IQANK1: variants seen among roughly 807,000 people sequenced by gnomAD.
IQANK1 encodes IQ motif and ankyrin repeat containing 1, also known as IQ motif and ankyrin repeat domain-containing protein 1.
A neutral mutation model predicts 22.6 loss-of-function variants in IQANK1; 30 were observed. The ratio of observed to expected loss-of-function variants is 1.33; its 90% CI spans 0.99 to 1.80. The LOEUF is 1.80. Among genes scored for constraint, IQANK1 ranks in the 40% most tolerant of loss-of-function variants. The pLI, the probability that IQANK1 is intolerant of heterozygous loss-of-function variation, is 0.00. For synonymous variants in IQANK1, 122 were observed against 99.6 expected (o/e 1.23, Z -1.34); for missense variants, 275 against 235.2 (o/e 1.17, Z -1.11).
At position 143,735,939 on chromosome 8, in the gene IQANK1, G is replaced by A. The variant is rs537404053; in HGVS notation, c.85+1G>A. 2 of 702,564 alleles carry A rather than the reference G, an allele frequency of 2.8e-6. No homozygotes were observed. The highest frequency in any genetic ancestry group is 3.5e-5 in the African/African-American group (2 of 57,314). The allele number at this position is 702,564 out of a possible 1,614,324, so 43.5% of individuals were successfully genotyped here. Reference sequence around the variant, plus strand: ...GGGCCCAAGACAAGAGCTGCTGCTGGTAAGTGCACCCTCTGACCTCCAGAG... The same window carrying A: ...GGGCCCAAGACAAGAGCTGCTGCTGATAAGTGCACCCTCTGACCTCCAGAG... On this transcript the variant is annotated splice_donor_variant, in intron 2 of 13. Coordinates refer to ENST00000527139, the MANE Select transcript of IQANK1 (RefSeq NM_001381874.1). LOFTEE classifies it high-confidence loss of function. This position sits in a 1 kb window ranked among gnomAD's most constrained non-coding sequence, Gnocchi z 5.2.
chr8:143,783,295 C>T (rs528899241), intron 7 of IQANK1, among the ~76,000 whole-genome samples: 5 of 152,148 alleles, frequency 3.3e-5, no homozygotes, highest in South Asian at 2.1e-4. Flanking sequence ...GTGGATGTGC[C>T]GTGGTGCCTC....
intron 7 of IQANK1, among the ~76,000 whole-genome samples, chr8:143,779,413 TCATC>T (rs1819754174): frequency 6.6e-6 from 1 of 152,236 alleles, no homozygotes. Flanking sequence ...ATCCATCAAT[TCATC>T]CATCCAGTTG....
intron 3 of IQANK1, among the ~76,000 whole-genome samples, chr8:143,750,155 C>T (rs144569350): frequency 0.02 from 3,056 of 151,934 alleles, 95 homozygotes; most frequent in African/African-American, 0.061. Context: ...TGCGCCACCA[C>T]GCCCAGCTAA....
intron 7 of IQANK1, among the ~76,000 whole-genome samples, chr8:143,779,266 C>T (rs891155344): frequency 6.6e-6 from 1 of 152,204 alleles, no homozygotes; most frequent in Non-Finnish European, 1.5e-5. Flanking sequence ...TCCATTCATA[C>T]ACGCATTCAT....
At chr8:143,769,829 C>T (rs1554629553) in intron 3 of IQANK1, among the ~76,000 whole-genome samples, 1 of 152,256 alleles carries the variant, frequency 6.6e-6, no homozygotes, top group Admixed American at 6.5e-5. Context: ...GCTGCACCTC[C>T]TGCCCTGCCA....
chr8:143,750,906 CT>C (rs1388883745), intron 3 of IQANK1, among the ~76,000 whole-genome samples: 1 of 151,666 alleles, frequency 6.6e-6, no homozygotes, highest in African/African-American at 2.4e-5. Context: ...TGCCATATAA[CT>C]TTTTTTGTCC....
chr8:143,789,946 C>G lies in IQANK1; in HGVS notation c.1196-25C>G, dbSNP rs1353128703. ...GGGGTCCGGCGTCGGGCTTGCCTGT[C>G]AGCTGCACTCTGCTACCCCGACAGG... is the stretch of plus-strand genomic sequence containing the variant. On this transcript the variant is annotated intron_variant, in intron 11 of 13. Coordinates refer to ENST00000527139, the MANE Select transcript of IQANK1 (RefSeq NM_001381874.1). 6.5e-6 allele frequency: 8 copies of G among 1,231,902 alleles called. No homozygotes were observed. In the African/African-American group the frequency reaches 1.1e-4, roughly 17 times the overall value. The allele number at this position is 1,231,902 out of a possible 1,614,324, so 76.3% of individuals were successfully genotyped here. A position where few individuals can be genotyped will look rare whatever the true frequency, so the allele number is the denominator to read the frequency against.
chr8:143,773,947 T>C (rs1331563307), intron 7 of IQANK1, among the ~76,000 whole-genome samples: 2 of 152,040 alleles, frequency 1.3e-5, no homozygotes, highest in African/African-American at 4.8e-5. Flanking sequence ...GGGGGAGCCC[T>C]TGGGTGCCAG....
At position 143,790,363 on chromosome 8, in the gene IQANK1, C is replaced by CT. The variant is rs1371929075; in HGVS notation, c.1439dup (p.Val481GlyfsTer35). 4.4e-6 allele frequency: 5 copies of CT among 1,125,716 alleles called. No homozygotes were observed. Among genetic ancestry groups the CT allele is most frequent in the Non-Finnish European group, 5.6e-6 (5 of 891,370 alleles). The allele number at this position is 1,125,716 out of a possible 1,614,324, so 69.7% of individuals were successfully genotyped here. ...CTCATGGGGCAGGTATGGGAAGCCGCTGGTGTTCGACCTGCGAGAGGAAGA... is the reference window on the plus strand; with the variant it reads ...CTCATGGGGCAGGTATGGGAAGCCGCTTGGTGTTCGACCTGCGAGAGGAAGA... On this transcript the variant is annotated frameshift_variant, in exon 14 of 14. Coordinates refer to ENST00000527139, the MANE Select transcript of IQANK1 (RefSeq NM_001381874.1). LOFTEE classifies it low-confidence loss of function (END_TRUNC).
intron 7 of IQANK1, among the ~76,000 whole-genome samples, chr8:143,788,196 C>A (rs1032271585): frequency 1.3e-5 from 2 of 152,234 alleles, no homozygotes; most frequent in Non-Finnish European, 2.9e-5. Context: ...ACGGAGCCAC[C>A]CACGAACAGC....
intron 3 of IQANK1, chr8:143,743,837 AT>A (rs1486846805): frequency 2.3e-6 from 1 of 430,878 alleles, no homozygotes; most frequent in Non-Finnish European, 4.6e-6. Flanking sequence ...TACTTATTGG[AT>A]TCTTTTTCTT....
At chr8:143,766,497 C>A (rs1819483169) in intron 3 of IQANK1, among the ~76,000 whole-genome samples, 1 of 151,768 alleles carries the variant, frequency 6.6e-6, no homozygotes, top group Admixed American at 6.6e-5. Context: ...ATGGTGAAAC[C>A]CCATCTCTAC....
intron 3 of IQANK1, among the ~76,000 whole-genome samples, chr8:143,764,443 C>T (rs2129885242): frequency 8.3e-6 from 1 of 120,030 alleles, no homozygotes. Context: ...GGTGAGACTC[C>T]GTCGCTACAA....
At chr8:143,780,432 C>A (rs566375603) in intron 7 of IQANK1, among the ~76,000 whole-genome samples, 1 of 152,224 alleles carries the variant, frequency 6.6e-6, no homozygotes, top group East Asian at 1.9e-4. Flanking sequence ...TCACCAGGAA[C>A]TAAGCCCAGT....
chr8:143,734,241 CGAGCCCCGGGCGGGGCCGGGTCTGG>C (rs1195941299), intron 1 of IQANK1, 22 bp downstream of exon 1: 2 of 152,212 alleles, frequency 1.3e-5, no homozygotes, highest in Non-Finnish European at 2.9e-5. Context: ...GGGGCGGCGT[CGAGCCCCGGGCGGGGCCGGGTCTGG>C]GAGCCCCGAG....
Position 143,735,323 on chromosome 8 carries a change from C to A in IQANK1, c.-4-527C>A, listed in dbSNP as rs1222130456. 1.3e-5 allele frequency among the ~76,000 whole-genome samples: 2 copies of A among 152,114 alleles called. No individual in the cohort carries two copies. The highest frequency in any genetic ancestry group is 4.8e-5 in the African/African-American group (2 of 41,420). On this transcript the variant is annotated intron_variant, in intron 1 of 13. Transcript: ENST00000527139. The surrounding 1 kb of genome is among the most constrained non-coding windows in gnomAD (Gnocchi z 5.2). The stretch of plus-strand genomic sequence containing the variant: ...TGGACTAGGGAGAGGGGTGTTGCTC[C>A]AGGGCCTGACACCACCATCTGCCAG...
At chr8:143,748,644 TAAATATATATCA>T (rs1190246748) in intron 3 of IQANK1, among the ~76,000 whole-genome samples, 2 of 124,470 alleles carry the variant, frequency 1.6e-5, no homozygotes, top group African/African-American at 6.6e-5. Flanking sequence ...TATAAATATA[TAAATATATATCA>T]ATCATATATA....
rs532210261 is a variant in IQANK1 at position 143,790,456 on chromosome 8, A to C, written c.1531A>C (p.Thr511Pro). The change falls in exon 14 of 14, where the codon ACG becomes CCG. Residue 511 changes from threonine to proline, a missense_variant. Thr to Pro is a conservative substitution (Grantham distance 38). Transcript: ENST00000527139. ...GAGGTACCTGTCGCTGCTGCGGCCC[A>C]CGGACGGGCCTGAGTATAGCCCCAC... ...QERYLSLLRP[T>P]DGPEYSPTQF... 4 of 465,610 alleles carry C rather than the reference A, an allele frequency of 8.6e-6. No individual in the cohort carries two copies. The highest frequency in any genetic ancestry group is 1.4e-5 in the Non-Finnish European group (4 of 287,332). 28.8% of individuals were successfully genotyped at this position (465,610 alleles called of 1,614,324 possible).
intron 7 of IQANK1, among the ~76,000 whole-genome samples, chr8:143,787,365 T>C (rs1554631470): frequency 6.6e-6 from 1 of 152,040 alleles, no homozygotes; most frequent in African/African-American, 2.4e-5. Context: ...GGAGGTGAGT[T>C]TACCACGTGT....
Sources: allele counts gnomAD v4.1 joint callset (sites outside exome capture counted in the v4.1 genomes callset), GRCh38; gene constraint gnomAD v4.1.1; non-coding constraint Gnocchi (gnomAD v3.1); transcripts MANE v1.5; gene names NCBI Gene and HGNC (gene_info 2026-07-23, HGNC 2026-07-21).